The following MROH9 variants were observed in gnomAD, a reference collection of about 807,000 sequenced individuals.
MROH9 encodes the protein maestro heat like repeat family member 9.
A neutral mutation model predicts 98.2 loss-of-function variants in MROH9; 92 were observed. That is an observed-to-expected ratio of 0.94 (90% CI 0.79 to 1.11). The LOEUF (loss-of-function observed/expected upper bound fraction) is 1.11, where lower values mean the gene tolerates loss of function less well. Ranked by LOEUF, MROH9 falls within the 50% of genes most tolerant of loss-of-function variation. MROH9 has a pLI of 0.00. For synonymous variants in MROH9, 397 were observed against 368.9 expected (o/e 1.08, Z -0.87); for missense variants, 1,057 against 1,014.8 (o/e 1.04, Z -0.57).
At chr1:171,026,208 TGC>T (rs957982534) in intron 20 of MROH9, among the ~76,000 whole-genome samples, 2 of 151,352 alleles carry the variant, frequency 1.3e-5, no homozygotes, top group African/African-American at 4.9e-5. Context: ...CACAGGCACG[TGC>T]GCGCACACAC....
intron 3 of MROH9, among the ~76,000 whole-genome samples, chr1:170,950,520 T>G (rs1401900170): frequency 6.6e-6 from 1 of 152,044 alleles, no homozygotes; most frequent in Non-Finnish European, 1.5e-5. Context: ...TCATTAACAT[T>G]CTTATATCTG....
At chr1:170,969,291 A>G (rs4656819) in intron 7 of MROH9, among the ~76,000 whole-genome samples, 45,373 of 152,020 alleles carry the variant, frequency 0.3, 7,117 homozygotes, top group Middle Eastern at 0.46. Context: ...ATAAACCTTG[A>G]AAACATTATA....
At chr1:171,050,275 TC>T (rs1458012544) in intron 20 of MROH9, among the ~76,000 whole-genome samples, 3 of 152,190 alleles carry the variant, frequency 2.0e-5, no homozygotes, top group African/African-American at 7.2e-5. Context: ...CTTATTTAAA[TC>T]TTTAACATCT....
At chr1:170,936,770 G>A (rs1373279432) in intron 1 of MROH9, among the ~76,000 whole-genome samples, 1 of 151,914 alleles carries the variant, frequency 6.6e-6, no homozygotes, top group Non-Finnish European at 1.5e-5. Flanking sequence ...GGGTTGAGAA[G>A]GATATTTATT....
At chr1:171,051,442 C>T (rs1410651924) in intron 20 of MROH9, among the ~76,000 whole-genome samples, 4 of 152,098 alleles carry the variant, frequency 2.6e-5, no homozygotes, top group Admixed American at 6.6e-5. Flanking sequence ...TTTGCACAGA[C>T]ATGGATGAAG....
intron 15 of MROH9, among the ~76,000 whole-genome samples, chr1:171,005,861 C>A (rs1437693770): frequency 1.3e-5 from 2 of 152,154 alleles, no homozygotes; most frequent in African/African-American, 4.8e-5. Flanking sequence ...ATTGATGTCA[C>A]CCTTTACATA....
Position 170,996,761 on chromosome 1 carries a change from A to C in MROH9, c.1475+117A>C, listed in dbSNP as rs1028811326. 3.1e-6 allele frequency: 3 copies of C among 974,190 alleles called. No individual in the cohort carries two copies. In the Admixed American group the frequency reaches 7.5e-5, roughly 24 times the overall value. 60.3% of individuals were successfully genotyped at this position (974,190 alleles called of 1,614,324 possible). On this transcript the variant is annotated intron_variant, in intron 14 of 21. Transcript: ENST00000367759. The stretch of plus-strand genomic sequence containing the variant: ...CTATTCCAATTTCCAAATCTCTCTT[A>C]ATGATCTGAGTTGCTATTTGATTTC...
chr1:171,021,424 G>A (rs144134522), intron 17 of MROH9, among the ~76,000 whole-genome samples: 12 of 152,150 alleles, frequency 7.9e-5, no homozygotes, highest in African/African-American at 1.2e-4. Flanking sequence ...ATAGACCAAC[G>A]AAACAGAACA....
intron 20 of MROH9, among the ~76,000 whole-genome samples, chr1:171,030,620 TTCTAA>T (rs1652874607): frequency 6.6e-6 from 1 of 152,196 alleles, no homozygotes; most frequent in African/African-American, 2.4e-5. Context: ...TAATCCTGAG[TTCTAA>T]TTTGATTGCA....
At chr1:170,981,621 C>T (rs997696455) in intron 8 of MROH9, among the ~76,000 whole-genome samples, 15 of 151,224 alleles carry the variant, frequency 9.9e-5, no homozygotes, top group African/African-American at 2.7e-4. Context: ...GTGGGGGGTG[C>T]GGGGAGGGAA....
At chr1:171,006,995 A>G (rs1181708047) in intron 15 of MROH9, among the ~76,000 whole-genome samples, 2 of 152,128 alleles carry the variant, frequency 1.3e-5, no homozygotes, top group African/African-American at 4.8e-5. Flanking sequence ...CTGGAGCTTT[A>G]TAAGTCTTCT....
chr1:170,988,235 C>T (rs9427211), intron 10 of MROH9, among the ~76,000 whole-genome samples: 26,567 of 152,140 alleles, frequency 0.17, 2,771 homozygotes, highest in African/African-American at 0.29. Flanking sequence ...AATGAACCTC[C>T]AGTTCCCTCT....
intron 20 of MROH9, among the ~76,000 whole-genome samples, chr1:171,040,175 TAA>T (rs1486568342): frequency 6.6e-6 from 1 of 152,028 alleles, no homozygotes; most frequent in Non-Finnish European, 1.5e-5. Context: ...GATAGAAATG[TAA>T]AGTATAATGG....
intron 14 of MROH9, 130 bp downstream of exon 14, chr1:170,996,774 G>T: frequency 1.1e-6 from 1 of 880,256 alleles, no homozygotes; most frequent in Non-Finnish European, 1.7e-6. Context: ...GATCTGAGTT[G>T]CTATTTGATT....
intron 15 of MROH9, 122 bp from the exon 16 acceptor site, chr1:171,013,995 A>G (rs1652246254): frequency 1.3e-6 from 1 of 745,630 alleles, no homozygotes; most frequent in Non-Finnish European, 2.2e-6. Flanking sequence ...ACTGAAATAT[A>G]TGTATTTGAT....
chr1:170,941,643 C>G (rs991588181), intron 1 of MROH9, among the ~76,000 whole-genome samples: 8 of 152,078 alleles, frequency 5.3e-5, no homozygotes, highest in African/African-American at 1.9e-4. Context: ...CCCCTGCCAC[C>G]CTGAAATCCA....
intron 20 of MROH9, among the ~76,000 whole-genome samples, chr1:171,027,529 C>G (rs989873157): frequency 6.6e-6 from 1 of 152,134 alleles, no homozygotes; most frequent in Admixed American, 6.6e-5. Context: ...GTGCACTTGT[C>G]TTTATAGTAA....
intron 2 of MROH9, 119 bp downstream of exon 2, chr1:170,945,700 T>C (rs1649304199): frequency 1.2e-6 from 1 of 865,368 alleles, no homozygotes; most frequent in Non-Finnish European, 1.7e-6. Flanking sequence ...TAACAAAGAA[T>C]GTACCTTTTT....
intron 7 of MROH9, among the ~76,000 whole-genome samples, chr1:170,965,544 G>A (rs1411986682): frequency 6.6e-6 from 1 of 152,132 alleles, no homozygotes; most frequent in Non-Finnish European, 1.5e-5. Flanking sequence ...ACCACAATTT[G>A]TAATCTTTAA....
Sources: gnomAD v4.1 joint callset for allele counts (sites outside exome capture counted in the v4.1 genomes callset) on GRCh38, gnomAD v4.1.1 for gene constraint, MANE v1.5 for transcripts, NCBI Gene and HGNC (gene_info 2026-07-23, HGNC 2026-07-21) for gene names.